LRRC8D: variants seen among roughly 807,000 people sequenced by gnomAD.
LRRC8D encodes volume-regulated anion channel subunit LRRC8D.
In LRRC8D, 20 loss-of-function variants were observed where a neutral mutation model predicts 55.8. The ratio of observed to expected loss-of-function variants is 0.36; its 90% CI spans 0.25 to 0.52. The LOEUF (loss-of-function observed/expected upper bound fraction) is 0.52, where lower values mean the gene tolerates loss of function less well. Among genes scored for constraint, LRRC8D ranks in the 20% least tolerant of loss-of-function variants. LRRC8D has a pLI of 0.93. For synonymous variants in LRRC8D, 352 were observed against 377.0 expected (o/e 0.93, Z 0.77); for missense variants, 651 against 1,030.8 (o/e 0.63, Z 5.05).
At chr1:89,889,893 A>G (rs957917876) in intron 2 of LRRC8D, among the ~76,000 whole-genome samples, 1 of 151,274 alleles carries the variant, frequency 6.6e-6, no homozygotes, top group Non-Finnish European at 1.5e-5. Context: ...AAAAAAAAAC[A>G]TAAAATAAAA....
At chr1:89,851,383 C>T (rs1334233951) in intron 2 of LRRC8D, among the ~76,000 whole-genome samples, 1 of 152,186 alleles carries the variant, frequency 6.6e-6, no homozygotes, top group African/African-American at 2.4e-5. Context: ...CTAGTCTTCT[C>T]AGTTTAGTGG....
intron 1 of LRRC8D, chr1:89,843,397 G>A (rs928183464): frequency 1.5e-5 from 5 of 322,934 alleles, no homozygotes; most frequent in Admixed American, 1.5e-4. Context: ...GCGGGCGGGC[G>A]GGTGGCTGGC....
At chr1:89,890,645 C>G (rs933865889) in intron 2 of LRRC8D, among the ~76,000 whole-genome samples, 1 of 152,128 alleles carries the variant, frequency 6.6e-6, no homozygotes, top group African/African-American at 2.4e-5. Flanking sequence ...AAAAATAATA[C>G]AGAGTTCTCC....
intron 2 of LRRC8D, among the ~76,000 whole-genome samples, chr1:89,857,295 T>C (rs1281138550): frequency 6.6e-6 from 1 of 150,666 alleles, no homozygotes; most frequent in Non-Finnish European, 1.5e-5. Flanking sequence ...GGCAGGAGAA[T>C]TGCTTGAACC....
intron 2 of LRRC8D, among the ~76,000 whole-genome samples, chr1:89,925,802 G>T (rs2100983852): frequency 6.6e-6 from 1 of 152,292 alleles, no homozygotes; most frequent in South Asian, 2.1e-4. Context: ...TGGGTAAAAT[G>T]GTATAACAGA....
chr1:89,927,310 T>C (rs1179023773), intron 2 of LRRC8D, among the ~76,000 whole-genome samples: 3 of 152,262 alleles, frequency 2.0e-5, no homozygotes, highest in Non-Finnish European at 4.4e-5. Flanking sequence ...CCTTTGAAAC[T>C]TTTTATTGAA....
intron 2 of LRRC8D, among the ~76,000 whole-genome samples, chr1:89,893,169 A>G (rs1030261084): frequency 1.3e-5 from 2 of 152,176 alleles, no homozygotes; most frequent in African/African-American, 4.8e-5. Flanking sequence ...CTAATCAGGA[A>G]AGGCCTCAAT....
intron 2 of LRRC8D, among the ~76,000 whole-genome samples, chr1:89,910,479 C>T (rs981567091): frequency 7.9e-5 from 12 of 152,288 alleles, no homozygotes; most frequent in Middle Eastern, 3.4e-3. Flanking sequence ...ACTCCTTGTG[C>T]CCTTAGGCAG....
chr1:89,903,922 C>T (rs1305258198), intron 2 of LRRC8D, among the ~76,000 whole-genome samples: 1 of 152,140 alleles, frequency 6.6e-6, no homozygotes, highest in East Asian at 1.9e-4. Context: ...CTGATATTCA[C>T]ACATCATTTT....
intron 2 of LRRC8D, among the ~76,000 whole-genome samples, chr1:89,898,024 C>G (rs1438501243): frequency 6.6e-6 from 1 of 152,174 alleles, no homozygotes; most frequent in Non-Finnish European, 1.5e-5. Context: ...CATACTCGCT[C>G]CTAAGCAGCT....
At chr1:89,876,789 A>T (rs911936791) in intron 2 of LRRC8D, among the ~76,000 whole-genome samples, 1 of 152,220 alleles carries the variant, frequency 6.6e-6, no homozygotes, top group African/African-American at 2.4e-5. Flanking sequence ...TACAAAGACT[A>T]TACTGCCTCC....
intron 2 of LRRC8D, among the ~76,000 whole-genome samples, chr1:89,899,222 A>G (rs565311745): frequency 6.6e-6 from 1 of 152,194 alleles, no homozygotes; most frequent in African/African-American, 2.4e-5. Flanking sequence ...GCATTATTCT[A>G]GGGTGCAGCT....
At chr1:89,831,861 A>G (rs548545282) in intron 1 of LRRC8D, among the ~76,000 whole-genome samples, 75 of 152,354 alleles carry the variant, frequency 4.9e-4, no homozygotes, top group African/African-American at 1.8e-3. Context: ...AAAGCTGGCT[A>G]TGTTAGAGTA....
At chr1:89,896,172 G>A (rs1180749925) in intron 2 of LRRC8D, among the ~76,000 whole-genome samples, 1 of 152,190 alleles carries the variant, frequency 6.6e-6, no homozygotes, top group African/African-American at 2.4e-5. Flanking sequence ...TTGGAGCAGA[G>A]GTAAGAGTGT....
intron 2 of LRRC8D, among the ~76,000 whole-genome samples, chr1:89,860,821 C>T (rs1373504115): frequency 3.4e-5 from 4 of 117,334 alleles, no homozygotes; most frequent in Admixed American, 1.9e-4. Context: ...CACACACAGA[C>T]GCATTTTGTA....
Position 89,918,818 on chromosome 1 carries a change from G to C in LRRC8D, c.-2-14249G>C, listed in dbSNP as rs1663342751. 2.0e-5 allele frequency among the ~76,000 whole-genome samples: 3 copies of C among 152,322 alleles called. No homozygotes were observed. The South Asian group carries it at 6.2e-4, about 32-fold the overall frequency. ...ACATTGAAAAATGCCTGTTAGAGTT[G>C]TTGATCATTTTGACTTTGGTATAAT... On this transcript the variant is annotated intron_variant, in intron 2 of 2. Transcript: ENST00000337338.
intron 2 of LRRC8D, among the ~76,000 whole-genome samples, chr1:89,867,870 C>A (rs1187862776): frequency 6.6e-6 from 1 of 152,104 alleles, no homozygotes; most frequent in Non-Finnish European, 1.5e-5. Flanking sequence ...AGGAAACATC[C>A]TTTTAGAATT....
At chr1:89,856,619 G>A (rs1323175752) in intron 2 of LRRC8D, among the ~76,000 whole-genome samples, 1 of 152,192 alleles carries the variant, frequency 6.6e-6, no homozygotes, top group Non-Finnish European at 1.5e-5. Flanking sequence ...TCTCCAAGCA[G>A]TTTACTGCTA....
At chr1:89,886,039 A>T (rs1662410658) in intron 2 of LRRC8D, among the ~76,000 whole-genome samples, 1 of 152,186 alleles carries the variant, frequency 6.6e-6, no homozygotes, top group South Asian at 2.1e-4. Context: ...TTTACTCCTT[A>T]AAGAAAAGTT....
Sources: allele counts gnomAD v4.1 joint callset (sites outside exome capture counted in the v4.1 genomes callset), GRCh38; gene constraint gnomAD v4.1.1; transcripts MANE v1.5; gene names NCBI Gene and HGNC (gene_info 2026-07-23, HGNC 2026-07-21).